The following KLHL1 variants were observed in gnomAD, a reference collection of about 807,000 sequenced individuals.
The protein encoded by KLHL1 is kelch-like protein 1.
A neutral mutation model predicts 77.7 loss-of-function variants in KLHL1; 47 were observed. The observed-to-expected ratio is 0.60, with a 90% CI of 0.48 to 0.77. The LOEUF (loss-of-function observed/expected upper bound fraction) is 0.77, where lower values mean the gene tolerates loss of function less well. Among genes scored for constraint, KLHL1 ranks in the 30% least tolerant of loss-of-function variants. The pLI is 0.00. For missense variants in KLHL1, 925 were observed against 910.8 expected (o/e 1.02, Z -0.20); for synonymous variants, 360 against 325.2 (o/e 1.11, Z -1.15).
At chr13:69,748,003 T>C (rs1372243354) in intron 7 of KLHL1, among the ~76,000 whole-genome samples, 1 of 152,060 alleles carries the variant, frequency 6.6e-6, no homozygotes, top group African/African-American at 2.4e-5. Context: ...TCAACACAGG[T>C]ATCTATCCTT....
chr13:70,048,626 A>G (rs1473373037), intron 1 of KLHL1, among the ~76,000 whole-genome samples: 1 of 152,210 alleles, frequency 6.6e-6, no homozygotes, highest in East Asian at 1.9e-4. Flanking sequence ...GATTTCTCAT[A>G]AGGAGCATGC....
intron 6 of KLHL1, among the ~76,000 whole-genome samples, chr13:69,814,073 G>C (rs550198389): frequency 1.8e-4 from 27 of 152,032 alleles, no homozygotes; most frequent in African/African-American, 5.8e-4. Context: ...AAAGAATAGA[G>C]ACCCCTGAAA....
intron 3 of KLHL1, among the ~76,000 whole-genome samples, chr13:69,960,010 C>A (rs1884014545): frequency 6.6e-6 from 1 of 151,330 alleles, no homozygotes; most frequent in Non-Finnish European, 1.5e-5. Context: ...GAACGATTTT[C>A]TCTTTATCAA....
At chr13:69,853,203 T>A (rs1196443272) in intron 5 of KLHL1, among the ~76,000 whole-genome samples, 1 of 151,908 alleles carries the variant, frequency 6.6e-6, no homozygotes, top group Non-Finnish European at 1.5e-5. Context: ...GTTACCCTAA[T>A]CCCCACATGT....
intron 4 of KLHL1, among the ~76,000 whole-genome samples, chr13:69,938,484 C>T (rs1049419243): frequency 2.0e-5 from 3 of 151,842 alleles, no homozygotes; most frequent in Non-Finnish European, 4.4e-5. Context: ...CAGAATAGTC[C>T]AAGCAGCTGC....
At chr13:69,955,947 T>TTTG (rs1883855805) in intron 3 of KLHL1, among the ~76,000 whole-genome samples, 1 of 137,876 alleles carries the variant, frequency 7.3e-6, no homozygotes, top group African/African-American at 2.7e-5. Context: ...TATATATTTA[T>TTTG]ATATATATTT....
intron 1 of KLHL1, among the ~76,000 whole-genome samples, chr13:70,076,721 T>G (rs1176239130): frequency 1.3e-5 from 2 of 151,790 alleles, no homozygotes; most frequent in East Asian, 3.9e-4. Context: ...CAGGAGAAAA[T>G]TTTTATAAAA....
chr13:69,974,686 G>A (rs1884490657), intron 2 of KLHL1, among the ~76,000 whole-genome samples: 2 of 151,924 alleles, frequency 1.3e-5, no homozygotes, highest in African/African-American at 4.8e-5. Context: ...TAAGTTAAAT[G>A]AAGTCAATTT....
intron 4 of KLHL1, among the ~76,000 whole-genome samples, chr13:69,934,962 G>GTATATATATATATATATATATATATA (rs67195697): frequency 1.9e-4 from 25 of 129,782 alleles, no homozygotes; most frequent in East Asian, 5.3e-4. Context: ...GTGTGCATGT[G>GTATATATATATATATATATATATATA]TATATATATA....
intron 7 of KLHL1, among the ~76,000 whole-genome samples, chr13:69,746,600 G>GT (rs1338566402): frequency 1.3e-5 from 2 of 151,434 alleles, no homozygotes; most frequent in African/African-American, 2.4e-5. Flanking sequence ...TGTTTAATCA[G>GT]TTTTTTTTCT....
intron 1 of KLHL1, among the ~76,000 whole-genome samples, chr13:70,052,011 C>A (rs1053314987): frequency 6.6e-6 from 1 of 151,036 alleles, no homozygotes; most frequent in Non-Finnish European, 1.5e-5. Flanking sequence ...TTCTTAAATA[C>A]GAGAAATATT....
chr13:69,981,942 T>C (rs1312101686), intron 1 of KLHL1, among the ~76,000 whole-genome samples: 1 of 113,190 alleles, frequency 8.8e-6, no homozygotes, highest in African/African-American at 7.0e-5. Flanking sequence ...AAATAATAAC[T>C]TTTTTTCAGA....
intron 1 of KLHL1, among the ~76,000 whole-genome samples, chr13:70,004,463 T>C (rs1473796752): frequency 2.0e-5 from 3 of 151,972 alleles, no homozygotes; most frequent in Non-Finnish European, 4.4e-5. Flanking sequence ...AGCTTGATTC[T>C]ATAGCAATTG....
intron 1 of KLHL1, among the ~76,000 whole-genome samples, chr13:70,093,609 T>C (rs983272649): frequency 6.6e-6 from 1 of 152,186 alleles, no homozygotes; most frequent in South Asian, 2.1e-4. Flanking sequence ...TTTTGACACA[T>C]AAATTGTGTA....
intron 1 of KLHL1, among the ~76,000 whole-genome samples, chr13:70,041,243 A>G (rs968115120): frequency 1.3e-5 from 2 of 152,194 alleles, no homozygotes; most frequent in Admixed American, 6.5e-5. Context: ...GAACTGGTCT[A>G]TGATGACTAT....
At chr13:69,956,293 A>G (rs1052794256) in intron 3 of KLHL1, among the ~76,000 whole-genome samples, 1 of 150,348 alleles carries the variant, frequency 6.7e-6, no homozygotes, top group African/African-American at 2.4e-5. Context: ...AATTCAGCAT[A>G]TTGTTTTTCA....
intron 5 of KLHL1, among the ~76,000 whole-genome samples, chr13:69,850,081 A>G (rs193101987): frequency 7.9e-5 from 12 of 151,680 alleles, no homozygotes; most frequent in Admixed American, 3.3e-4. Flanking sequence ...AAAATCCATT[A>G]CAGAAATAAT....
At chr13:69,765,677 G>T (rs1370140798) in intron 7 of KLHL1, among the ~76,000 whole-genome samples, 2 of 152,170 alleles carry the variant, frequency 1.3e-5, no homozygotes, top group Admixed American at 6.5e-5. Context: ...ATAAAAGATA[G>T]AATTTTTAGT....
chr13:69,765,303 T>A (rs989175940), intron 7 of KLHL1, among the ~76,000 whole-genome samples: 3 of 152,100 alleles, frequency 2.0e-5, no homozygotes, highest in Non-Finnish European at 2.9e-5. Context: ...AATACATTTA[T>A]ATACTTTATG....
Sources: gnomAD v4.1 joint callset for allele counts (sites outside exome capture counted in the v4.1 genomes callset) on GRCh38, gnomAD v4.1.1 for gene constraint, MANE v1.5 for transcripts, NCBI Gene and HGNC (gene_info 2026-07-23, HGNC 2026-07-21) for gene names.